The following EPHA5 variants were observed in gnomAD, a reference collection of about 807,000 sequenced individuals.
EPHA5 encodes the protein ephrin type-A receptor 5.
EPHA5 carries 60 observed loss-of-function variants against 105.0 expected under a neutral mutation model. That is an observed-to-expected ratio of 0.57 (90% CI 0.46 to 0.71). EPHA5 has a LOEUF of 0.71. Ranked by LOEUF, EPHA5 falls within the 30% of genes least tolerant of loss-of-function variation. The pLI, the probability that EPHA5 is intolerant of heterozygous loss-of-function variation, is 0.00. For synonymous variants in EPHA5, 513 were observed against 449.1 expected (o/e 1.14, Z -1.80); for missense variants, 1,218 against 1,274.7 (o/e 0.96, Z 0.68).
intron 8 of EPHA5, among the ~76,000 whole-genome samples, chr4:65,395,105 C>A (rs528402268): frequency 6.6e-5 from 10 of 152,148 alleles, no homozygotes; most frequent in Non-Finnish European, 1.0e-4. Context: ...ACTATCAAGT[C>A]ATTGCTTTGA....
chr4:65,533,122 T>G (rs952169824), intron 3 of EPHA5, among the ~76,000 whole-genome samples: 15 of 152,290 alleles, frequency 9.8e-5, no homozygotes, highest in Admixed American at 3.9e-4. Flanking sequence ...CAGGTCCTCA[T>G]TCTAAATACC....
intron 1 of EPHA5, among the ~76,000 whole-genome samples, chr4:65,648,137 G>A (rs1331132715): frequency 6.6e-6 from 1 of 152,108 alleles, no homozygotes; most frequent in Admixed American, 6.5e-5. Flanking sequence ...GGAGAGCAAA[G>A]AGCAAATAAA....
intron 3 of EPHA5, among the ~76,000 whole-genome samples, chr4:65,525,496 C>T (rs2149289726): frequency 6.6e-6 from 1 of 151,866 alleles, no homozygotes; most frequent in South Asian, 2.1e-4. Flanking sequence ...CAAGTCTCTT[C>T]CTGCTCTTAA....
At chr4:65,659,481 G>A (rs1037967700) in intron 1 of EPHA5, among the ~76,000 whole-genome samples, 1 of 152,078 alleles carries the variant, frequency 6.6e-6, no homozygotes, top group African/African-American at 2.4e-5. Flanking sequence ...AGTTAAATTA[G>A]TGTGTAAGAG....
At chr4:65,580,275 C>A (rs1286823637) in intron 3 of EPHA5, among the ~76,000 whole-genome samples, 2 of 151,692 alleles carry the variant, frequency 1.3e-5, no homozygotes, top group Non-Finnish European at 3.0e-5. Flanking sequence ...AACAATTTTA[C>A]AGAATTAATA....
chr4:65,406,124 C>T (rs1478967792), intron 7 of EPHA5, among the ~76,000 whole-genome samples: 2 of 152,120 alleles, frequency 1.3e-5, no homozygotes, highest in Non-Finnish European at 2.9e-5. Context: ...TCAAAGATCT[C>T]CCTCTGGGAG....
chr4:65,363,288 C>A (rs919319873), intron 11 of EPHA5, among the ~76,000 whole-genome samples: 8 of 151,542 alleles, frequency 5.3e-5, no homozygotes, highest in African/African-American at 1.5e-4. Flanking sequence ...TTAGTGTCAT[C>A]TTCACAATAA....
intron 11 of EPHA5, among the ~76,000 whole-genome samples, chr4:65,357,658 C>T (rs969047669): frequency 2.6e-5 from 4 of 151,022 alleles, no homozygotes; most frequent in Non-Finnish European, 1.5e-5. Flanking sequence ...AGGTAGTTTC[C>T]AGGAGCTGTG....
At chr4:65,447,119 T>C (rs1473467491) in intron 5 of EPHA5, among the ~76,000 whole-genome samples, 1 of 151,672 alleles carries the variant, frequency 6.6e-6, no homozygotes, top group African/African-American at 2.4e-5. Context: ...CCCAAGTAGC[T>C]AGGATCACAG....
chr4:65,430,512 CATAAT>C (rs1210070035), intron 5 of EPHA5, among the ~76,000 whole-genome samples: 1 of 151,886 alleles, frequency 6.6e-6, no homozygotes, highest in African/African-American at 2.4e-5. Flanking sequence ...CATAAGAATA[CATAAT>C]ATATCACATT....
chr4:65,451,483 A>G (rs1209839823), intron 5 of EPHA5, among the ~76,000 whole-genome samples: 1 of 152,152 alleles, frequency 6.6e-6, no homozygotes, highest in Non-Finnish European at 1.5e-5. Flanking sequence ...TAAAAATAGA[A>G]TTAATAAACA....
At chr4:65,395,275 G>A (rs540036486) in intron 8 of EPHA5, among the ~76,000 whole-genome samples, 1 of 152,092 alleles carries the variant, frequency 6.6e-6, no homozygotes, top group Non-Finnish European at 1.5e-5. Context: ...ATAAAAGTTT[G>A]ACTACTTATC....
intron 3 of EPHA5, among the ~76,000 whole-genome samples, chr4:65,590,956 A>C (rs996051707): frequency 2.6e-5 from 4 of 152,098 alleles, no homozygotes; most frequent in South Asian, 2.1e-4. Context: ...GTCTGAAGTA[A>C]AATACGATTC....
intron 1 of EPHA5, among the ~76,000 whole-genome samples, chr4:65,657,025 T>C (rs759465997): frequency 2.4e-4 from 36 of 151,808 alleles, no homozygotes; most frequent in Middle Eastern, 3.4e-3. Context: ...ATTTAAAAAG[T>C]CTTTATCACA....
intron 1 of EPHA5, among the ~76,000 whole-genome samples, chr4:65,645,305 T>G (rs1748022980): frequency 6.6e-6 from 1 of 152,128 alleles, no homozygotes; most frequent in Admixed American, 6.5e-5. Context: ...TTTATTCATC[T>G]TAATGATTCA....
chr4:65,615,583 T>G (rs1438640077), intron 2 of EPHA5, among the ~76,000 whole-genome samples: 1 of 151,740 alleles, frequency 6.6e-6, no homozygotes, highest in Non-Finnish European at 1.5e-5. Context: ...AAACTCACAG[T>G]AAAACATATA....
intron 3 of EPHA5, among the ~76,000 whole-genome samples, chr4:65,536,830 T>C (rs2149313385): frequency 6.6e-6 from 1 of 151,860 alleles, no homozygotes; most frequent in Middle Eastern, 3.4e-3. Context: ...TAGATGTCAG[T>C]TTAATAGTGA....
chr4:65,578,044 C>A (rs1333991287), intron 3 of EPHA5, among the ~76,000 whole-genome samples: 1 of 152,144 alleles, frequency 6.6e-6, no homozygotes, highest in Non-Finnish European at 1.5e-5. Context: ...AATTTCAATG[C>A]ATAAAAATAA....
intron 2 of EPHA5, among the ~76,000 whole-genome samples, chr4:65,614,871 C>T (rs1036287768): frequency 6.6e-6 from 1 of 151,706 alleles, no homozygotes; most frequent in Non-Finnish European, 1.5e-5. Context: ...AAGTCTGAAA[C>T]ACTGTAATGA....
Sources: gnomAD v4.1 joint callset for allele counts (sites outside exome capture counted in the v4.1 genomes callset) on GRCh38, gnomAD v4.1.1 for gene constraint, MANE v1.5 for transcripts, NCBI Gene and HGNC (gene_info 2026-07-23, HGNC 2026-07-21) for gene names.